The following RASGRP2 variants were observed in gnomAD, a reference collection of about 807,000 sequenced individuals.
The protein encoded by RASGRP2 is RAS guanyl-releasing protein 2.
A neutral mutation model predicts 71.0 loss-of-function variants in RASGRP2; 44 were observed. The observed-to-expected ratio is 0.62, with a 90% CI of 0.49 to 0.80. The LOEUF (loss-of-function observed/expected upper bound fraction) is 0.80. RASGRP2 is among the 30% of genes least tolerant of loss of function. The pLI is 0.00. For missense variants in RASGRP2, 663 were observed against 813.4 expected, an observed-to-expected ratio of 0.82 and a Z score of 2.25; for synonymous variants, 350 against 330.7, an observed-to-expected ratio of 1.06 and a Z score of -0.63.
Position 64,742,021 on chromosome 11 carries a change from C to T in RASGRP2, c.165G>A (p.Lys55=), listed in dbSNP as rs767141156. ...CCGGCGAAGGATATATGTGGAGCAGCTTGGCCGCCAGCTGAGAGGAGGGGA... is the reference window on the plus strand; with the variant it reads ...CCGGCGAAGGATATATGTGGAGCAGTTTGGCCGCCAGCTGAGAGGAGGGGA... ...WYIPSSQLAA[K]LLHIYQQSRK... is the part of the protein sequence containing the mutation. Residue 55 remains lysine (K), a synonymous_variant, in exon 3 of 17, where the codon AAG becomes AAA. Coordinates refer to ENST00000394432, the MANE Select transcript of RASGRP2 (RefSeq NM_001098671.2). This position sits in a 1 kb window ranked among gnomAD's most constrained non-coding sequence, Gnocchi z 4.7. 4 of 1,610,182 alleles carry T rather than the reference C, an allele frequency of 2.5e-6. No individual in the cohort carries two copies. The highest frequency in any genetic ancestry group is 1.7e-6 in the Non-Finnish European group (2 of 1,178,184).
intron 12 of RASGRP2, among the ~76,000 whole-genome samples, 196 bp downstream of exon 12, chr11:64,734,915 AT>A (rs1218137026): frequency 6.6e-6 from 1 of 152,104 alleles, no homozygotes; most frequent in Admixed American, 6.5e-5. Flanking sequence ...ATCTGTCTGA[AT>A]TTGTGAGATA....
chr11:64,740,866 T>C, intron 5 of RASGRP2, 82 bp downstream of exon 5: 2 of 1,561,886 alleles, frequency 1.3e-6, no homozygotes, highest in Non-Finnish European at 1.8e-6. Context: ...CCCTCACTCA[T>C]TCAGTTCAAC....
intron 12 of RASGRP2, among the ~76,000 whole-genome samples, chr11:64,732,823 G>A (rs1459063860): frequency 4.0e-5 from 6 of 151,620 alleles, no homozygotes; most frequent in Admixed American, 6.6e-5. Flanking sequence ...GGTGGCGCGC[G>A]CCTGTAATCC....
rs886183018 is a variant in RASGRP2 at position 64,735,040 on chromosome 11, C to G, written c.1412+72G>C. 2 of 1,220,690 alleles carry G rather than the reference C, an allele frequency of 1.6e-6. No individual in the cohort carries two copies. The highest frequency in any genetic ancestry group is 3.4e-5 in the Admixed American group (2 of 59,182). 75.6% of individuals were successfully genotyped at this position (1,220,690 alleles called of 1,614,324 possible). On this transcript the variant is annotated intron_variant, in intron 12 of 16. Transcript: ENST00000394432. The surrounding 1 kb of genome is among the most constrained non-coding windows in gnomAD (Gnocchi z 4.2). ...TGGCTCAGTGACCTCATCTTGCACA[C>G]AAGAAACTGAAGCCCAGGCAGAAGT...
rs1212571355 is a variant in RASGRP2, at chr11:64,739,869, T to C, written c.523-60A>G. The stretch of plus-strand genomic sequence containing the variant: ...GGCCTCTCCCCTCACTGATAGCCAC[T>C]CCTCACCCTCCAGCTGACCTTCAGT... On this transcript the variant is annotated intron_variant, in intron 6 of 16. Transcript: ENST00000394432. The surrounding 1 kb of genome is among the most constrained non-coding windows in gnomAD (Gnocchi z 4.2). 5.0e-6 allele frequency: 8 copies of C among 1,609,590 alleles called. No homozygotes were observed. The highest frequency in any genetic ancestry group is 4.2e-6 in the Non-Finnish European group (5 of 1,178,012).
chr11:64,726,916 G>GTTAA lies in RASGRP2; in HGVS notation c.*218_*221dup, dbSNP rs2057580948. 1 of 205,100 alleles carries GTTAA rather than the reference G, an allele frequency of 4.9e-6. No individual in the cohort carries two copies. Among genetic ancestry groups the GTTAA allele is most frequent in the African/African-American group, 2.3e-5 (1 of 43,500 alleles). The allele number at this position is 205,100 out of a possible 1,614,324, so 12.7% of individuals were successfully genotyped here. A position where few individuals can be genotyped will look rare whatever the true frequency, so the allele number is the denominator to read the frequency against. On this transcript the variant is annotated 3_prime_UTR_variant, in exon 17 of 17. Coordinates refer to ENST00000394432, the MANE Select transcript of RASGRP2 (RefSeq NM_001098671.2). ...GGGATTCTAGGCGCTGATGGTGAAG[G>GTTAA]TTAATTACACGGGCCTTTTTATTCC...
In RASGRP2 at chr11:64,740,049, G is replaced by A. The variant is rs780169849; in HGVS notation, c.486C>T (p.Leu162=). Residue 162 remains leucine, a synonymous_variant, in exon 6 of 17, where the codon CTC becomes CTT. Transcript: ENST00000394432. ...AGAAGGAGCGATACTCCAAGTAGGT[G>A]AGATGCTCCGCCAGCTCCATGGGCT... ...HLEPMELAEH[L]TYLEYRSFCK... 6.2e-7 allele frequency: 1 copy of A among 1,614,146 alleles called. No homozygotes were observed. The highest frequency in any genetic ancestry group is 8.5e-7 in the Non-Finnish European group (1 of 1,180,020).
intron 8 of RASGRP2, among the ~76,000 whole-genome samples, chr11:64,738,025 C>G (rs893905282): frequency 3.9e-5 from 6 of 152,042 alleles, no homozygotes; most frequent in Non-Finnish European, 5.9e-5. Flanking sequence ...GCCTGGATGA[C>G]AGAGACAGAC....
chr11:64,731,172 T>C (rs1291865992), intron 12 of RASGRP2, among the ~76,000 whole-genome samples: 3 of 152,072 alleles, frequency 2.0e-5, no homozygotes, highest in African/African-American at 4.8e-5. Flanking sequence ...CTGGCCAACA[T>C]GGCAAAGCCC....
chr11:64,727,196 G>A, intron 16 of RASGRP2, 65 bp from the exon 17 acceptor site: 1 of 1,035,006 alleles, frequency 9.7e-7, no homozygotes, highest in Non-Finnish European at 1.5e-6. Context: ...AGCCCACCTG[G>A]CTTGGAGCCA....
chr11:64,729,047 G>A lies in RASGRP2; in HGVS notation c.1592-5C>T, dbSNP rs1169054105. ...TGTGGCAGTTCACTCCACAGGCTGGGGGAGAGCAAATGGAGAGCCAGCCAG... is the reference window on the plus strand; with the variant it reads ...TGTGGCAGTTCACTCCACAGGCTGGAGGAGAGCAAATGGAGAGCCAGCCAG... On this transcript the variant is annotated splice_region_variant and splice_polypyrimidine_tract_variant and intron_variant, in intron 14 of 16. Transcript: ENST00000394432. 6.3e-7 allele frequency: 1 copy of A among 1,591,176 alleles called. No homozygotes were observed. The highest frequency in any genetic ancestry group is 8.5e-7 in the Non-Finnish European group (1 of 1,174,876).
In RASGRP2 at chr11:64,743,908, G is replaced by T; in HGVS notation, c.-72+95C>A. 1.1e-6 allele frequency: 1 copy of T among 894,926 alleles called. No individual in the cohort carries two copies. The highest frequency in any genetic ancestry group is 1.4e-6 in the Non-Finnish European group (1 of 737,616). 55.4% of individuals were successfully genotyped at this position (894,926 alleles called of 1,614,324 possible). On this transcript the variant is annotated intron_variant, in intron 1 of 16. Transcript: ENST00000394432. The surrounding 1 kb of genome is among the most constrained non-coding windows in gnomAD (Gnocchi z 4.9). Reference sequence around the variant, plus strand: ...AGGCGTCCGCACTTACACGCACCGGGCCACAGGCACCGGCCTCCCATCCTC... The same window carrying T: ...AGGCGTCCGCACTTACACGCACCGGTCCACAGGCACCGGCCTCCCATCCTC...
At chr11:64,744,211 G>A, upstream of RASGRP2, 1 of 985,764 alleles carries the variant, frequency 1.0e-6, no homozygotes, top group South Asian at 4.7e-5. Context: ...CCATTCCGTC[G>A]CCCCCCTCCC....
chr11:64,737,055 A>C (rs777158458), intron 8 of RASGRP2, 21 bp from the exon 9 acceptor site: 1 of 1,613,020 alleles, frequency 6.2e-7, no homozygotes, highest in Non-Finnish European at 8.5e-7. Flanking sequence ...AGGACAGAGG[A>C]GTCATACCCC....
At chr11:64,733,693 A>G (rs1400553723) in intron 12 of RASGRP2, among the ~76,000 whole-genome samples, 1 of 152,174 alleles carries the variant, frequency 6.6e-6, no homozygotes, top group Non-Finnish European at 1.5e-5. Flanking sequence ...TGAAACAGAC[A>G]CCAAACAAAC....
At position 64,742,001 on chromosome 11, in the gene RASGRP2, G is replaced by A. The variant is rs1189374434; in HGVS notation, c.176+9C>T. On this transcript the variant is annotated intron_variant, in intron 3 of 16. Coordinates refer to ENST00000394432, the MANE Select transcript of RASGRP2 (RefSeq NM_001098671.2). This position sits in a 1 kb window ranked among gnomAD's most constrained non-coding sequence, Gnocchi z 4.7. ...CGGCGGGGGCCTTGGCAAGGCCGGCGAAGGATATATGTGGAGCAGCTTGGC... is the reference window on the plus strand; with the variant it reads ...CGGCGGGGGCCTTGGCAAGGCCGGCAAAGGATATATGTGGAGCAGCTTGGC... The A allele has an allele frequency of 1.9e-6, 3 of 1,602,916 alleles. No homozygotes were observed. Among genetic ancestry groups the A allele is most frequent in the Non-Finnish European group, 1.7e-6 (2 of 1,174,870 alleles).
chr11:64,745,011 TG>T (rs1234828774), upstream of RASGRP2: 1 of 150,102 alleles, frequency 6.7e-6, no homozygotes, highest in Non-Finnish European at 1.5e-5. Context: ...ACCCCTCCCC[TG>T]CCGCGCCGCC....
intron 5 of RASGRP2, 82 bp from the exon 6 acceptor site, chr11:64,740,245 GCTTA>G (rs2058079166): frequency 3.2e-6 from 5 of 1,561,872 alleles, no homozygotes; most frequent in South Asian, 1.1e-5. Context: ...CACCATTCAC[GCTTA>G]CTGAGAACCT....
chr11:64,742,085 T>C lies in RASGRP2; in HGVS notation c.101A>G (p.Gln34Arg), dbSNP rs2058145114. The C allele has an allele frequency of 6.2e-7, 1 of 1,605,722 alleles. No individual in the cohort carries two copies. The highest frequency in any genetic ancestry group is 1.1e-5 in the South Asian group (1 of 89,708). ...FDDSGKVRDPQLVRMFLMMHP... is the reference protein window; with the variant it reads ...FDDSGKVRDPRLVRMFLMMHP... ...CATCATGAGGAACATGCGCACCAGCTGCGGGTCCCGCACCTTCCCGGAGTC... is the reference window on the plus strand; with the variant it reads ...CATCATGAGGAACATGCGCACCAGCCGCGGGTCCCGCACCTTCCCGGAGTC... Residue 34 changes from glutamine (Q) to arginine (R), a missense_variant, in exon 3 of 17, where the codon CAG (glutamine) becomes CGG (arginine). Transcript: ENST00000394432. This position sits in a 1 kb window ranked among gnomAD's most constrained non-coding sequence, Gnocchi z 4.7.
Sources: gnomAD v4.1 joint callset for allele counts (sites outside exome capture counted in the v4.1 genomes callset) on GRCh38, gnomAD v4.1.1 for gene constraint, Gnocchi (gnomAD v3.1) non-coding constraint, MANE v1.5 for transcripts, NCBI Gene and HGNC (gene_info 2026-07-23, HGNC 2026-07-21) for gene names.